Variants in XYLB observed in about 807,000 individuals in gnomAD.
XYLB encodes the protein xylulokinase.
In XYLB, 62 loss-of-function variants were observed where a neutral mutation model predicts 78.7. The ratio of observed to expected loss-of-function variants is 0.79; its 90% confidence interval spans 0.64 to 0.97. XYLB has a LOEUF of 0.97. XYLB is among the 50% of genes least tolerant of loss of function. The pLI is 0.00. For synonymous variants in XYLB, 245 were observed against 247.4 expected (o/e 0.99, Z 0.09); for missense variants, 687 against 676.8 (o/e 1.02, Z -0.17).
At chr3:38,368,888 A>G (rs1032856463) in intron 8 of XYLB, among the ~76,000 whole-genome samples, 1 of 152,186 alleles carries the variant, frequency 6.6e-6, no homozygotes, top group Non-Finnish European at 1.5e-5. Context: ...GCAAGGAGCT[A>G]TTAAAGTTTT....
At chr3:38,444,932 G>A in the XYLB span, among the ~76,000 whole-genome samples, 5 of 152,182 alleles carry the variant, frequency 3.3e-5, no homozygotes, top group South Asian at 6.2e-4. Context: ...GAGGAAGGTC[G>A]GATTTAGTGG....
At chr3:38,447,470 ATTTTTTTTT>A in the XYLB span, among the ~76,000 whole-genome samples, 202 of 124,922 alleles carry the variant, frequency 1.6e-3, no homozygotes, top group Middle Eastern at 8.5e-3. Flanking sequence ...CATCTGGCTA[ATTTTTTTTT>A]TTTTTTTTTT....
At chr3:38,416,635 A>C (rs1708804195), downstream of XYLB, among the ~76,000 whole-genome samples, 1 of 152,210 alleles carries the variant, frequency 6.6e-6, no homozygotes, top group Non-Finnish European at 1.5e-5. Context: ...GAGATGGGCA[A>C]AAATAGACCA....
At chr3:38,402,183 C>T (rs1254002417) in intron 18 of XYLB, among the ~76,000 whole-genome samples, 1 of 152,148 alleles carries the variant, frequency 6.6e-6, no homozygotes, top group Admixed American at 6.5e-5. Context: ...AGAAAACTCC[C>T]AACCTTGTAA....
Position 38,348,635 on chromosome 3 carries a change from A to G in XYLB, c.140+3A>G. 2 of 1,614,054 alleles carry G rather than the reference A, an allele frequency of 1.2e-6. No homozygotes were observed. Among genetic ancestry groups the G allele is most frequent in the Non-Finnish European group, 1.7e-6 (2 of 1,179,944 alleles). On this transcript the variant is annotated splice_donor_region_variant and intron_variant, in intron 2 of 18. Coordinates refer to ENST00000207870, the MANE Select transcript of XYLB (RefSeq NM_005108.4). ...GACAGAGATCTTCCAGAATTTGGGT[A>G]TGTACTTGATGTGCATGTGTGTGTG...
chr3:38,446,045 A>T, the XYLB span, among the ~76,000 whole-genome samples: 9 of 152,296 alleles, frequency 5.9e-5, no homozygotes, highest in South Asian at 1.9e-3. Context: ...GGACCCAAAG[A>T]TTGAGCAGCA....
chr3:38,419,604 A>ATATATATATATATAT (rs1559628830), downstream of XYLB, among the ~76,000 whole-genome samples: 27 of 107,222 alleles, frequency 2.5e-4, no homozygotes, highest in African/African-American at 6.7e-4. Flanking sequence ...ATATATATAT[A>ATATATATATATATAT]ATAGCCATCG....
At chr3:38,402,237 A>G (rs533294947) in intron 18 of XYLB, among the ~76,000 whole-genome samples, 1 of 152,198 alleles carries the variant, frequency 6.6e-6, no homozygotes, top group African/African-American at 2.4e-5. Flanking sequence ...ACCAAAGGAG[A>G]CATTATCCTT....
At chr3:38,386,496 A>G (rs1559601515) in intron 15 of XYLB, among the ~76,000 whole-genome samples, 1 of 152,168 alleles carries the variant, frequency 6.6e-6, no homozygotes. Context: ...AATGGATTAC[A>G]TATCAATTTT....
At chr3:38,411,681 A>T (rs1219843078) in intron 18 of XYLB, among the ~76,000 whole-genome samples, 1 of 151,496 alleles carries the variant, frequency 6.6e-6, no homozygotes, top group Non-Finnish European at 1.5e-5. Context: ...ATTCTACATG[A>T]GAATTTGACC....
intron 15 of XYLB, among the ~76,000 whole-genome samples, chr3:38,380,079 C>T (rs1019850974): frequency 2.0e-5 from 3 of 152,082 alleles, no homozygotes; most frequent in African/African-American, 4.8e-5. Flanking sequence ...CCCGTTCCCA[C>T]GATAACCCGT....
rs1559565477 is a variant in XYLB, at chr3:38,347,685, AAAAG to A, written c.57+764_57+767del. On this transcript the variant is annotated intron_variant, in intron 1 of 18. Coordinates refer to ENST00000207870, the MANE Select transcript of XYLB (RefSeq NM_005108.4). ...AACGGGACCCTGTCTCAAAAAAAAA[AAAAG>A]AAAAAAGTGAAATGCATAGTGTACA... 5.9e-5 allele frequency among the ~76,000 whole-genome samples: 9 copies of A among 152,254 alleles called. No individual in the cohort carries two copies. In the South Asian group the frequency reaches 1.7e-3, roughly 28 times the overall value.
At chr3:38,434,042 A>T in the XYLB span, among the ~76,000 whole-genome samples, 428 of 152,348 alleles carry the variant, frequency 2.8e-3, 2 homozygotes, top group Non-Finnish European at 4.8e-3. Context: ...TTTACAGGGC[A>T]GCAGGAGAGA....
chr3:38,388,958 T>G (rs1398952404), intron 15 of XYLB, among the ~76,000 whole-genome samples: 1 of 151,980 alleles, frequency 6.6e-6, no homozygotes, highest in African/African-American at 2.4e-5. Flanking sequence ...TTTCTTTTTT[T>G]TTTTTATTGA....
chr3:38,400,685 T>G (rs1384736833), intron 17 of XYLB, among the ~76,000 whole-genome samples: 2 of 152,210 alleles, frequency 1.3e-5, no homozygotes, highest in East Asian at 1.9e-4. Flanking sequence ...TTTTGTAATT[T>G]TATTGAGGTA....
chr3:38,372,607 G>A, intron 9 of XYLB, 48 bp from the exon 10 acceptor site: 5 of 1,613,454 alleles, frequency 3.1e-6, no homozygotes, highest in Middle Eastern at 1.7e-4. Context: ...TGCTGGGCAG[G>A]CGGGATTTAC....
At chr3:38,445,291 A>G in the XYLB span, among the ~76,000 whole-genome samples, 1 of 152,176 alleles carries the variant, frequency 6.6e-6, no homozygotes, top group Non-Finnish European at 1.5e-5. Context: ...GGGATCCTAA[A>G]AGGATAGTTG....
intron 5 of XYLB, 31 bp from the exon 6 acceptor site, chr3:38,365,577 C>T: frequency 6.3e-7 from 1 of 1,594,100 alleles, no homozygotes; most frequent in Non-Finnish European, 8.6e-7. Context: ...GCGGATGGAG[C>T]TTAAGCCTGT....
intron 1 of XYLB, 32 bp downstream of exon 1, chr3:38,346,957 C>A: frequency 1.4e-6 from 2 of 1,427,196 alleles, no homozygotes; most frequent in Non-Finnish European, 1.8e-6. Flanking sequence ...GCCACGGGGC[C>A]GCCTCCTCCG....
Sources: gnomAD v4.1 joint callset for allele counts (sites outside exome capture counted in the v4.1 genomes callset) on GRCh38, gnomAD v4.1.1 for gene constraint, MANE v1.5 for transcripts, NCBI Gene and HGNC (gene_info 2026-07-23, HGNC 2026-07-21) for gene names.